The following TLE4 variants were observed in gnomAD, a reference collection of about 807,000 sequenced individuals.
TLE4 encodes the protein TLE family member 4, transcriptional corepressor, also known as transducin-like enhancer protein 4.
Under a neutral mutation model 92.8 loss-of-function variants are expected in TLE4, and 8 were observed. That is an observed-to-expected ratio of 0.09 (90% CI 0.05 to 0.16). TLE4 has a LOEUF of 0.16. Ranked by LOEUF, TLE4 falls within the 10% of genes least tolerant of loss-of-function variation. The probability of loss-of-function intolerance (pLI) is 1.00; values close to 1 mark genes in which losing one functional copy is unlikely to be tolerated. For synonymous variants in TLE4, 371 were observed against 374.1 expected, an observed-to-expected ratio of 0.99 and a Z score of 0.10; for missense variants, 675 against 997.6, an observed-to-expected ratio of 0.68 and a Z score of 4.36.
At chr9:79,597,296 T>C (rs544571847) in intron 4 of TLE4, among the ~76,000 whole-genome samples, 2 of 152,232 alleles carry the variant, frequency 1.3e-5, no homozygotes, top group African/African-American at 2.4e-5. Flanking sequence ...CTGGGCTTGC[T>C]GGACCTCCCG....
intron 4 of TLE4, among the ~76,000 whole-genome samples, chr9:79,610,301 C>A (rs900902003): frequency 6.6e-6 from 1 of 152,016 alleles, no homozygotes; most frequent in African/African-American, 2.4e-5. Flanking sequence ...TTGGGCCCCA[C>A]GCCATTATAT....
chr9:79,590,093 A>C (rs1046294020), intron 4 of TLE4, among the ~76,000 whole-genome samples: 1 of 152,110 alleles, frequency 6.6e-6, no homozygotes, highest in African/African-American at 2.4e-5. Flanking sequence ...GGCTGTTTTA[A>C]AGGCTTTTGA....
intron 5 of TLE4, among the ~76,000 whole-genome samples, chr9:79,617,085 A>G (rs1207964626): frequency 6.6e-6 from 1 of 152,172 alleles, no homozygotes; most frequent in Non-Finnish European, 1.5e-5. Context: ...GTCCTAAGAC[A>G]TTTGGAAAGG....
chr9:79,594,303 A>G (rs41459946), intron 4 of TLE4, among the ~76,000 whole-genome samples: 1,719 of 152,332 alleles, frequency 0.011, 38 homozygotes, highest in African/African-American at 0.039. Flanking sequence ...TTGAGTAGCA[A>G]GGAGCCAAAA....
At chr9:79,617,298 A>G (rs1301381362) in intron 5 of TLE4, among the ~76,000 whole-genome samples, 1 of 151,954 alleles carries the variant, frequency 6.6e-6, no homozygotes, top group Non-Finnish European at 1.5e-5. Flanking sequence ...TTAACCTGTT[A>G]GATTAAGCAG....
chr9:79,574,401 CTG>C (rs1376754399), intron 2 of TLE4, among the ~76,000 whole-genome samples: 2 of 152,036 alleles, frequency 1.3e-5, no homozygotes, highest in Non-Finnish European at 2.9e-5. Context: ...TTCAACTTGT[CTG>C]TGTGTTTTGG....
chr9:79,720,208 A>G lies in TLE4; in HGVS notation c.1753A>G (p.Ile585Val). Residue 585 changes from isoleucine (I) to valine (V), a missense_variant, in exon 16 of 20, where the codon ATC becomes GTC. Around this residue, in one of 5 missense-constraint regions of TLE4, gnomAD observed 170 missense variants for 359.6 expected, o/e 0.47. Transcript: ENST00000376552. The stretch of plus-strand genomic sequence containing the variant: ...GGCCCCCGCCTGCTATGCCCTGGCC[A>G]TCAGCCCCGATTCCAAGGTCTGCTT... ...SSAPACYALAISPDSKVCFSC... is the reference protein window; with the variant it reads ...SSAPACYALAVSPDSKVCFSC... 2 of 1,614,200 alleles carry G rather than the reference A, an allele frequency of 1.2e-6. No individual in the cohort carries two copies. Among genetic ancestry groups the G allele is most frequent in the East Asian group, 4.5e-5 (2 of 44,874 alleles).
intron 6 of TLE4, among the ~76,000 whole-genome samples, chr9:79,635,098 T>C (rs1045153258): frequency 6.6e-6 from 1 of 152,176 alleles, no homozygotes; most frequent in Non-Finnish European, 1.5e-5. Context: ...ATATTACATG[T>C]AAGAAAACCT....
chr9:79,699,143 C>T (rs76533046), intron 8 of TLE4, among the ~76,000 whole-genome samples: 3,391 of 152,170 alleles, frequency 0.022, 50 homozygotes, highest in Middle Eastern at 0.065. Flanking sequence ...TGAACATGAT[C>T]AACTCTTTGG....
intron 6 of TLE4, among the ~76,000 whole-genome samples, chr9:79,639,189 G>A (rs1195896487): frequency 6.6e-6 from 1 of 152,078 alleles, no homozygotes; most frequent in African/African-American, 2.4e-5. Context: ...CAGGGACCCA[G>A]AGCCCTGATA....
intron 11 of TLE4, chr9:79,707,365 C>T: frequency 1.4e-6 from 1 of 691,112 alleles, no homozygotes; most frequent in Non-Finnish European, 2.5e-6. Flanking sequence ...TCACAAATCA[C>T]AAATGCAAAA....
At chr9:79,677,313 C>T (rs11138319) in intron 8 of TLE4, among the ~76,000 whole-genome samples, 27,598 of 152,016 alleles carry the variant, frequency 0.18, 3,003 homozygotes, top group African/African-American at 0.3. Flanking sequence ...TAATTTAGTT[C>T]GTGGCCTCTG....
chr9:79,589,562 G>T (rs745913589), intron 4 of TLE4, among the ~76,000 whole-genome samples: 17 of 152,116 alleles, frequency 1.1e-4, no homozygotes, highest in Non-Finnish European at 2.1e-4. Context: ...GACATTTTCA[G>T]TGGAGGTATT....
rs974960970 is a variant in TLE4 at position 79,680,901 on chromosome 9, G to T, written c.610-23882G>T. The stretch of plus-strand genomic sequence containing the variant: ...TGAGATAATCATGTGGTTTTTGTCT[G>T]TGGTTTTGTTTATATGCTGGATTAC... On this transcript the variant is annotated intron_variant, in intron 8 of 19. Transcript: ENST00000376552. 7.9e-5 allele frequency among the ~76,000 whole-genome samples: 12 copies of T among 152,172 alleles called. No individual in the cohort carries two copies. In the East Asian group the frequency reaches 1.9e-3, roughly 25 times the overall value.
chr9:79,666,289 A>G (rs1339515584), intron 8 of TLE4, among the ~76,000 whole-genome samples: 1 of 142,840 alleles, frequency 7.0e-6, no homozygotes, highest in Non-Finnish European at 1.5e-5. Context: ...GTGCAGTGTC[A>G]TGATCTCGGC....
Position 79,722,501 on chromosome 9 carries a change from G to A in TLE4, c.2037G>A (p.Met679Ile). ...CTGGAGAGTGGCTTGCAGTGGGGATGGAGAACAGCAATGTGGAAGTTTTGC... is the reference window on the plus strand; with the variant it reads ...CTGGAGAGTGGCTTGCAGTGGGGATAGAGAACAGCAATGTGGAAGTTTTGC... ...CPTGEWLAVG[M>I]ENSNVEVLHV... Residue 679 changes from methionine (M) to isoleucine (I), a missense_variant, in exon 18 of 20, where the codon ATG (methionine) becomes ATA (isoleucine). Met to Ile is a conservative substitution (Grantham distance 10). Coordinates refer to ENST00000376552, the MANE Select transcript of TLE4 (RefSeq NM_007005.6). The A allele has an allele frequency of 6.2e-7, 1 of 1,614,212 alleles. No individual in the cohort carries two copies. Among genetic ancestry groups the A allele is most frequent in the Non-Finnish European group, 8.5e-7 (1 of 1,180,040 alleles).
At chr9:79,599,477 G>C (rs1332930755) in intron 4 of TLE4, among the ~76,000 whole-genome samples, 1 of 152,194 alleles carries the variant, frequency 6.6e-6, no homozygotes, top group Non-Finnish European at 1.5e-5. Flanking sequence ...TGTAAGGCCA[G>C]GGCTAGAAAC....
intron 4 of TLE4, among the ~76,000 whole-genome samples, chr9:79,604,502 G>A (rs980064527): frequency 4.6e-5 from 7 of 152,072 alleles, no homozygotes; most frequent in African/African-American, 1.4e-4. Context: ...TCAAAGAATT[G>A]GAATTTTATA....
chr9:79,631,616 ATGTGTGTG>A (rs57129541), intron 6 of TLE4, among the ~76,000 whole-genome samples: 204 of 118,234 alleles, frequency 1.7e-3, no homozygotes, highest in East Asian at 4.7e-3. Flanking sequence ...TGAACCTTAA[ATGTGTGTG>A]TGTGTGTGTG....
Sources: allele counts gnomAD v4.1 joint callset (sites outside exome capture counted in the v4.1 genomes callset), GRCh38; gene constraint gnomAD v4.1.1; regional missense constraint gnomAD v4.1.1; transcripts MANE v1.5; gene names NCBI Gene and HGNC (gene_info 2026-07-23, HGNC 2026-07-21).